CFAP44: variants seen among roughly 807,000 people sequenced by gnomAD.
The protein encoded by CFAP44 is cilia- and flagella-associated protein 44.
Under a neutral mutation model 216.2 loss-of-function variants are expected in CFAP44, and 134 were observed. The ratio of observed to expected loss-of-function variants is 0.62; its 90% CI spans 0.54 to 0.72. The LOEUF is 0.72. Ranked by LOEUF, CFAP44 falls within the 30% of genes least tolerant of loss-of-function variation. CFAP44 has a pLI of 0.00. For missense variants in CFAP44, 2,035 were observed against 2,182.1 expected (o/e 0.93, Z 1.34); for synonymous variants, 700 against 727.6 (o/e 0.96, Z 0.61).
intron 19 of CFAP44, among the ~76,000 whole-genome samples, chr3:113,363,843 A>C (rs146813385): frequency 2.0e-5 from 3 of 152,314 alleles, no homozygotes; most frequent in African/African-American, 7.2e-5. Context: ...ATATGCTATT[A>C]ACACAGAATT....
Position 113,412,481 on chromosome 3 carries a change from G to A in CFAP44, c.674-3159C>T, listed in dbSNP as rs1320059538. ...TACATAGGTATATGTGTGCCATGGT[G>A]GTCTGCTGCACCTATTGACCTGTCC... On this transcript the variant is annotated intron_variant, in intron 6 of 34. Coordinates refer to ENST00000393845, the MANE Select transcript of CFAP44 (RefSeq NM_001164496.2). Among the ~76,000 whole-genome samples, 3 of 151,410 alleles carry A rather than the reference G, an allele frequency of 2.0e-5. No individual in the cohort carries two copies. The East Asian group carries it at 5.8e-4, about 29-fold the overall frequency.
intron 21 of CFAP44, chr3:113,361,080 G>A (rs1336477447): frequency 1.3e-5 from 3 of 233,362 alleles, no homozygotes; most frequent in Non-Finnish European, 2.7e-5. Flanking sequence ...AGTAAATTAT[G>A]ATTTACTTGG....
chr3:113,415,749 T>C (rs372069922), intron 6 of CFAP44, among the ~76,000 whole-genome samples: 14 of 152,302 alleles, frequency 9.2e-5, no homozygotes, highest in African/African-American at 3.4e-4. Context: ...TCAACTCTTA[T>C]GCATTTGCTG....
intron 25 of CFAP44, among the ~76,000 whole-genome samples, chr3:113,331,602 CAAA>C (rs1160785288): frequency 1.3e-5 from 2 of 151,982 alleles, no homozygotes; most frequent in African/African-American, 2.4e-5. Context: ...GGTTTAAACT[CAAA>C]AGCCAGCAGT....
intron 28 of CFAP44, among the ~76,000 whole-genome samples, chr3:113,320,338 A>G (rs1463607586): frequency 2.7e-5 from 4 of 146,444 alleles, no homozygotes; most frequent in African/African-American, 1.0e-4. Flanking sequence ...CCTGACCCTG[A>G]CCCTGAATCT....
intron 2 of CFAP44, among the ~76,000 whole-genome samples, chr3:113,430,035 C>T (rs1314644437): frequency 6.6e-6 from 1 of 152,038 alleles, no homozygotes; most frequent in Non-Finnish European, 1.5e-5. Context: ...TTCAAGCATA[C>T]ATGGGTCATT....
chr3:113,420,253 T>C (rs1269086475), intron 4 of CFAP44, 74 bp from the exon 5 acceptor site: 3 of 1,412,366 alleles, frequency 2.1e-6, no homozygotes, highest in African/African-American at 2.9e-5. Flanking sequence ...ATGAAATAAA[T>C]TTTTAAATCT....
At chr3:113,294,092 A>G in intron 34 of CFAP44, 1 of 456,278 alleles carries the variant, frequency 2.2e-6, no homozygotes, top group South Asian at 1.6e-5. Flanking sequence ...GCCTTTTTGC[A>G]GGTAATATTG....
At chr3:113,430,621 C>T (rs1935083319) in intron 2 of CFAP44, among the ~76,000 whole-genome samples, 1 of 151,902 alleles carries the variant, frequency 6.6e-6, no homozygotes, top group African/African-American at 2.4e-5. Context: ...GAGAAGTGGG[C>T]AAATTGCATG....
intron 28 of CFAP44, among the ~76,000 whole-genome samples, chr3:113,314,974 TC>T (rs939251116): frequency 1.3e-5 from 2 of 151,022 alleles, no homozygotes; most frequent in Non-Finnish European, 3.0e-5. Context: ...TAAAATAGAA[TC>T]CCCAAAAATA....
chr3:113,411,956 T>A (rs971076830), intron 6 of CFAP44, among the ~76,000 whole-genome samples: 12 of 151,788 alleles, frequency 7.9e-5, no homozygotes, highest in African/African-American at 2.9e-4. Flanking sequence ...TATTGGTGTA[T>A]AAGAATGCTT....
rs762360235 is a variant in CFAP44 at position 113,406,936 on chromosome 3, T to C, written c.996A>G (p.Pro332=). 1 of 1,613,110 alleles carries C rather than the reference T, an allele frequency of 6.2e-7. No homozygotes were observed. Among genetic ancestry groups the C allele is most frequent in the Non-Finnish European group, 8.5e-7 (1 of 1,179,108 alleles). ...TTDIEGYMEL[P]DGKVLSGSEW... is the part of the protein sequence containing the mutation. ...TAGTAGCTGTACTCACCTTCCCATC[T>C]GGGAGCTCCATGTAGCCTTCTATAT... The change falls in exon 8 of 35, where the codon CCA becomes CCG. Residue 332 remains proline, a synonymous_variant. Transcript: ENST00000393845.
At chr3:113,412,534 C>T (rs1322782962) in intron 6 of CFAP44, among the ~76,000 whole-genome samples, 1 of 151,864 alleles carries the variant, frequency 6.6e-6, no homozygotes, top group African/African-American at 2.4e-5. Flanking sequence ...CACCCCCACC[C>T]CCCAACAGGC....
At chr3:113,368,279 A>G (rs1933028831) in intron 18 of CFAP44, among the ~76,000 whole-genome samples, 1 of 152,132 alleles carries the variant, frequency 6.6e-6, no homozygotes, top group Non-Finnish European at 1.5e-5. Flanking sequence ...ACCCCAAGAC[A>G]CATAATTGTC....
chr3:113,396,648 C>G lies in CFAP44; in HGVS notation c.1649G>C (p.Gly550Ala), dbSNP rs147661037. The part of the protein sequence containing the change: ...VRILELYDPK[G>A]LTIFAGRKKI... ...CTTCCGTCCCGCAAAAATCGTGAGC[C>G]CTTTTGGATCATAAAGTTCAAGAAT... The change falls in exon 14 of 35, where the codon GGG becomes GCG. Residue 550 changes from glycine to alanine, a missense_variant. Transcript: ENST00000393845. The G allele has an allele frequency of 8.7e-6, 14 of 1,614,056 alleles. No homozygotes were observed. Among genetic ancestry groups the G allele is most frequent in the Non-Finnish European group, 1.1e-5 (13 of 1,180,000 alleles).
chr3:113,419,293 G>GT (rs901830177), intron 5 of CFAP44, among the ~76,000 whole-genome samples: 12 of 150,946 alleles, frequency 7.9e-5, no homozygotes, highest in South Asian at 2.1e-4. Context: ...TGTGTGTCTA[G>GT]TTTTTTTTTC....
intron 9 of CFAP44, among the ~76,000 whole-genome samples, chr3:113,403,507 G>A (rs578060127): frequency 1.3e-5 from 2 of 152,296 alleles, no homozygotes; most frequent in South Asian, 2.1e-4. Flanking sequence ...CAGCACCTTT[G>A]TTCCTACAAA....
chr3:113,431,870 T>C (rs1045431297), intron 2 of CFAP44, among the ~76,000 whole-genome samples: 3 of 152,194 alleles, frequency 2.0e-5, no homozygotes, highest in African/African-American at 7.2e-5. Flanking sequence ...TCCACTAAGA[T>C]ACCTAACATC....
intron 25 of CFAP44, 131 bp from the exon 26 acceptor site, chr3:113,330,799 T>G: frequency 1.6e-6 from 2 of 1,232,924 alleles, no homozygotes; most frequent in Non-Finnish European, 2.1e-6. Flanking sequence ...TGATCATACC[T>G]TTTTACCACC....
Sources: allele counts gnomAD v4.1 joint callset (sites outside exome capture counted in the v4.1 genomes callset), GRCh38; gene constraint gnomAD v4.1.1; transcripts MANE v1.5; gene names NCBI Gene and HGNC (gene_info 2026-07-23, HGNC 2026-07-21).